The following UBASH3B variants were observed in gnomAD, a reference collection of about 807,000 sequenced individuals.
UBASH3B encodes ubiquitin associated and SH3 domain containing B.
In UBASH3B, 37 loss-of-function variants were observed where a neutral mutation model predicts 83.4. The observed-to-expected ratio is 0.44, with a 90% CI of 0.34 to 0.58. The LOEUF (loss-of-function observed/expected upper bound fraction) is 0.58. UBASH3B is among the 20% of genes least tolerant of loss of function. The pLI, the probability that UBASH3B is intolerant of heterozygous loss-of-function variation, is 0.01. For missense variants in UBASH3B, 657 were observed against 827.2 expected, an observed-to-expected ratio of 0.79 and a Z score of 2.52; for synonymous variants, 304 against 318.3, an observed-to-expected ratio of 0.96 and a Z score of 0.48.
rs999740841 is a variant in UBASH3B at position 122,751,616 on chromosome 11, G to T, written c.162-24603G>T. ...GCTGAGGCCTCACACAGGCAATGCT[G>T]CCTGGCTGCAACCTGTTCTCCCCTG... is the stretch of plus-strand genomic sequence containing the variant. On this transcript the variant is annotated intron_variant, in intron 1 of 13. Coordinates refer to ENST00000284273, the MANE Select transcript of UBASH3B (RefSeq NM_032873.5). Among the ~76,000 whole-genome samples the T allele has an allele frequency of 3.3e-5, 5 of 152,232 alleles. No individual in the cohort carries two copies. The East Asian group carries it at 9.6e-4, about 29-fold the overall frequency.
chr11:122,659,201 A>T (rs1324861894), intron 1 of UBASH3B, among the ~76,000 whole-genome samples: 2 of 152,212 alleles, frequency 1.3e-5, no homozygotes, highest in Non-Finnish European at 2.9e-5. Context: ...CCTTTAAAAA[A>T]AAATGTATAA....
chr11:122,718,062 C>T (rs12294610), intron 1 of UBASH3B, among the ~76,000 whole-genome samples: 8,048 of 152,128 alleles, frequency 0.053, 721 homozygotes, highest in African/African-American at 0.18. Flanking sequence ...GCTGGGATTA[C>T]AGGCACCCAC....
chr11:122,725,563 C>A (rs55905145), intron 1 of UBASH3B, among the ~76,000 whole-genome samples: 130,480 of 151,712 alleles, frequency 0.86, 56,212 homozygotes, highest in Middle Eastern at 0.93. Context: ...GCAGTAGCGA[C>A]ATTATACTCC....
In UBASH3B at chr11:122,742,440, TA is replaced by T. The variant is rs113451044; in HGVS notation, c.162-33778del. 2.5e-3 allele frequency among the ~76,000 whole-genome samples: 387 copies of T among 152,254 alleles called. 1 individual carries two copies. The highest frequency in any genetic ancestry group is 8.9e-3 in the African/African-American group (371 of 41,544). ...CATTTTATGGGTCCCGGCTGTTAAA[TA>T]TGTAAAACCTAAAAGGAAGAGGGCC... On this transcript the variant is annotated intron_variant, in intron 1 of 13. Transcript: ENST00000284273.
intron 7 of UBASH3B, among the ~76,000 whole-genome samples, chr11:122,795,798 G>C (rs1258052866): frequency 6.6e-6 from 1 of 152,118 alleles, no homozygotes; most frequent in Non-Finnish European, 1.5e-5. Context: ...TTGGGGGGAA[G>C]GTGCCCCACT....
At chr11:122,787,330 G>C (rs999097541) in intron 5 of UBASH3B, among the ~76,000 whole-genome samples, 4 of 152,098 alleles carry the variant, frequency 2.6e-5, no homozygotes, top group African/African-American at 4.8e-5. Flanking sequence ...GTGTGTATGA[G>C]GCAAAGGGAC....
At position 122,779,710 on chromosome 11, in the gene UBASH3B, G is replaced by A. The variant is rs751497244; in HGVS notation, c.601+15G>A. The A allele has an allele frequency of 1.2e-6, 2 of 1,614,060 alleles. No individual in the cohort carries two copies. The highest frequency in any genetic ancestry group is 8.5e-7 in the Non-Finnish European group (1 of 1,179,984). On this transcript the variant is annotated intron_variant, in intron 4 of 13. Transcript: ENST00000284273. ...ATCCAAAACCGGTGAGCAAACAGCT[G>A]CCAGGCCAGCCCTGGGCCCTGTCAA... is the stretch of plus-strand genomic sequence containing the variant.
At chr11:122,692,453 T>C (rs1863908119) in intron 1 of UBASH3B, among the ~76,000 whole-genome samples, 1 of 152,182 alleles carries the variant, frequency 6.6e-6, no homozygotes, top group South Asian at 2.1e-4. Context: ...TTTACCGAAT[T>C]ACAGCAGCAT....
At chr11:122,658,122 G>C (rs561221861) in intron 1 of UBASH3B, among the ~76,000 whole-genome samples, 169 of 148,578 alleles carry the variant, frequency 1.1e-3, no homozygotes, top group Middle Eastern at 6.8e-3. Context: ...GTTGTAGTGA[G>C]CCAAGATCGC....
intron 9 of UBASH3B, among the ~76,000 whole-genome samples, chr11:122,798,593 C>G (rs1171341804): frequency 6.6e-6 from 1 of 151,926 alleles, no homozygotes; most frequent in Non-Finnish European, 1.5e-5. Flanking sequence ...CGCCTGTACT[C>G]CCAGCTACTC....
chr11:122,730,823 G>A (rs945579586), intron 1 of UBASH3B, among the ~76,000 whole-genome samples: 2 of 152,024 alleles, frequency 1.3e-5, no homozygotes, highest in Non-Finnish European at 2.9e-5. Context: ...TTGAACTCCC[G>A]ACCTCAGGTG....
At chr11:122,663,680 CCTTT>C (rs1225326359) in intron 1 of UBASH3B, among the ~76,000 whole-genome samples, 2 of 152,210 alleles carry the variant, frequency 1.3e-5, no homozygotes, top group African/African-American at 4.8e-5. Flanking sequence ...AAGGGTATCT[CCTTT>C]CTTGGCCATC....
At chr11:122,674,646 A>G (rs1206003458) in intron 1 of UBASH3B, among the ~76,000 whole-genome samples, 2 of 149,968 alleles carry the variant, frequency 1.3e-5, no homozygotes, top group East Asian at 3.9e-4. Flanking sequence ...ATCCCAAAGT[A>G]CTGGGATTAT....
In UBASH3B at chr11:122,684,337, T is replaced by C. The variant is rs553471587; in HGVS notation, c.161+28127T>C. Among the ~76,000 whole-genome samples, 4 of 152,274 alleles carry C rather than the reference T, an allele frequency of 2.6e-5. No individual in the cohort carries two copies. The East Asian group carries it at 7.7e-4, about 29-fold the overall frequency. ...TCAAAATCAAATAAGGAAGGCCTAG[T>C]CCTGGCCTGGGGTTGCTTATCTTCT... On this transcript the variant is annotated intron_variant, in intron 1 of 13. Transcript: ENST00000284273.
At position 122,768,470 on chromosome 11, in the gene UBASH3B, A is replaced by ATGTGTGTG. The variant is rs568912747; in HGVS notation, c.162-7717_162-7710dup. On this transcript the variant is annotated intron_variant, in intron 1 of 13. Coordinates refer to ENST00000284273, the MANE Select transcript of UBASH3B (RefSeq NM_032873.5). ...AAGAAAAAGATAGAGATATATATGTATGTGTGTGTGTGTGTGTGTGTGTGT... is the reference window on the plus strand; with the variant it reads ...AAGAAAAAGATAGAGATATATATGTATGTGTGTGTGTGTGTGTGTGTGTGTGTGTGTGT... Among the ~76,000 whole-genome samples the ATGTGTGTG allele has an allele frequency of 7.0e-3, 977 of 140,094 alleles. 9 individuals carry two copies. The highest frequency in any genetic ancestry group is 0.021 in the African/African-American group (776 of 36,702). 91.9% of individuals were successfully genotyped at this position (140,094 alleles called of 152,430 possible).
At chr11:122,725,426 G>A (rs1860720746) in intron 1 of UBASH3B, among the ~76,000 whole-genome samples, 1 of 151,794 alleles carries the variant, frequency 6.6e-6, no homozygotes, top group Non-Finnish European at 1.5e-5. Context: ...ATTTCAGAGA[G>A]GGCCCAACCT....
chr11:122,656,346 G>A, intron 1 of UBASH3B, 136 bp downstream of exon 1: 1 of 944,284 alleles, frequency 1.1e-6, no homozygotes, highest in South Asian at 4.7e-5. Context: ...TTGGGGGCGG[G>A]ATGGGCGCGC....
At chr11:122,679,515 T>C (rs1416806707) in intron 1 of UBASH3B, among the ~76,000 whole-genome samples, 1 of 152,186 alleles carries the variant, frequency 6.6e-6, no homozygotes, top group African/African-American at 2.4e-5. Flanking sequence ...TCAAACCCAC[T>C]ACGTTAGAAT....
In UBASH3B at chr11:122,801,312, G is replaced by C; in HGVS notation, c.1575G>C (p.Leu525=). 6.2e-7 allele frequency: 1 copy of C among 1,614,150 alleles called. No individual in the cohort carries two copies. Among genetic ancestry groups the C allele is most frequent in the Non-Finnish European group, 8.5e-7 (1 of 1,180,028 alleles). ...CATCAGAGTTAGCTGCAGCCAACCTGAGTGTTGATACAACCTACAGGTAAG... is the reference window on the plus strand; with the variant it reads ...CATCAGAGTTAGCTGCAGCCAACCTCAGTGTTGATACAACCTACAGGTAAG... ...IPPSELAAAN[L]SVDTTYRPHI... is the part of the protein sequence containing the mutation. Residue 525 remains leucine, a synonymous_variant, in exon 11 of 14, where the codon CTG becomes CTC. Transcript: ENST00000284273.
Sources: allele counts gnomAD v4.1 joint callset (sites outside exome capture counted in the v4.1 genomes callset), GRCh38; gene constraint gnomAD v4.1.1; transcripts MANE v1.5; gene names NCBI Gene and HGNC (gene_info 2026-07-23, HGNC 2026-07-21).